FAM184A: variants seen among roughly 807,000 people sequenced by gnomAD.
The protein encoded by FAM184A is protein FAM184A.
In FAM184A, 99 loss-of-function variants were observed where a neutral mutation model predicts 143.8. That is an observed-to-expected ratio of 0.69 (90% CI 0.58 to 0.81). FAM184A has a LOEUF of 0.81. FAM184A is among the 40% of genes least tolerant of loss of function. The pLI is 0.00. For missense variants in FAM184A, 1,217 were observed against 1,310.5 expected, an observed-to-expected ratio of 0.93 and a Z score of 1.10; for synonymous variants, 427 against 446.4, an observed-to-expected ratio of 0.96 and a Z score of 0.55.
intron 9 of FAM184A, among the ~76,000 whole-genome samples, chr6:118,985,107 T>G (rs1784151331): frequency 4.6e-5 from 7 of 152,230 alleles, no homozygotes; most frequent in Admixed American, 4.6e-4. Context: ...TTTGTTTTCT[T>G]TTGCTTTCTT....
At chr6:119,061,541 T>C (rs948164157) in intron 1 of FAM184A, among the ~76,000 whole-genome samples, 3 of 131,596 alleles carry the variant, frequency 2.3e-5, no homozygotes, top group Non-Finnish European at 4.9e-5. Flanking sequence ...CTTTTTTTTT[T>C]TTTTTTTTTT....
chr6:119,078,632 G>C lies in FAM184A; in HGVS notation c.-333C>G, dbSNP rs143826373. On this transcript the variant is annotated 5_prime_UTR_variant, in exon 1 of 18. Coordinates refer to ENST00000338891, the MANE Select transcript of FAM184A (RefSeq NM_024581.6). The surrounding 1 kb of genome is among the most constrained non-coding windows in gnomAD (Gnocchi z 5.5). ...AGGACAGCGCAGCTCCGCGGGTCCCGCTCGCAGCCCGCACCGAGGACTCGG... is the reference window on the plus strand; with the variant it reads ...AGGACAGCGCAGCTCCGCGGGTCCCCCTCGCAGCCCGCACCGAGGACTCGG... 5.2e-6 allele frequency: 1 copy of C among 190,912 alleles called. No individual in the cohort carries two copies. Among genetic ancestry groups the C allele is most frequent in the Non-Finnish European group, 1.1e-5 (1 of 93,450 alleles). 11.8% of individuals were successfully genotyped at this position (190,912 alleles called of 1,614,324 possible).
chr6:118,968,115 T>C (rs1783555498), intron 14 of FAM184A, among the ~76,000 whole-genome samples: 1 of 152,188 alleles, frequency 6.6e-6, no homozygotes, highest in African/African-American at 2.4e-5. Flanking sequence ...GAGGAAGTGA[T>C]TGTCTCAGGA....
At chr6:118,997,526 C>T (rs975887089) in intron 9 of FAM184A, among the ~76,000 whole-genome samples, 3 of 151,958 alleles carry the variant, frequency 2.0e-5, no homozygotes, top group South Asian at 2.1e-4. Flanking sequence ...CTCGTCTCTA[C>T]TAAAAATACG....
chr6:119,094,772 A>T (rs953484409), intron 1 of FAM184A, among the ~76,000 whole-genome samples: 1 of 151,924 alleles, frequency 6.6e-6, no homozygotes, highest in Non-Finnish European at 1.5e-5. Context: ...AAGTAAAAAA[A>T]AAAAAGGAGG....
intron 1 of FAM184A, among the ~76,000 whole-genome samples, chr6:119,109,798 C>T (rs1355078552): frequency 1.3e-5 from 2 of 152,138 alleles, no homozygotes; most frequent in African/African-American, 4.8e-5. Flanking sequence ...CTCCTAAATG[C>T]CATTCCTTTA....
At chr6:119,119,272 T>A (rs2114858684) in intron 1 of FAM184A, among the ~76,000 whole-genome samples, 1 of 152,346 alleles carries the variant, frequency 6.6e-6, no homozygotes, top group Admixed American at 6.5e-5. Flanking sequence ...CTTGTGATAG[T>A]GTATTACCTT....
rs1405169769 is a variant in FAM184A, at chr6:119,024,395, G to A, written c.578C>T (p.Ala193Val). The change falls in exon 2 of 18, where the codon GCT becomes GTT. Residue 193 changes from alanine (A) to valine (V), a missense_variant. Physicochemically the swap from Ala to Val is moderately conservative, Grantham distance 64. Coordinates refer to ENST00000338891, the MANE Select transcript of FAM184A (RefSeq NM_024581.6). ...TAGCTCTTGTATCTCCCGTCTGTGA[G>A]CAGCTTGCAAGTCTTCCAATGCCAA... ...KRLALEDLQA[A>V]HRREIQELLK... The A allele has an allele frequency of 6.2e-7, 1 of 1,614,156 alleles. No individual in the cohort carries two copies. Among genetic ancestry groups the A allele is most frequent in the South Asian group, 1.1e-5 (1 of 91,086 alleles).
chr6:119,131,867 G>A (rs539204115), intron 1 of FAM184A, among the ~76,000 whole-genome samples: 1 of 152,260 alleles, frequency 6.6e-6, no homozygotes, highest in African/African-American at 2.4e-5. Context: ...TTTAATACAG[G>A]AAGACAGTGG....
At chr6:119,029,654 A>G (rs1785797989) in intron 1 of FAM184A, among the ~76,000 whole-genome samples, 1 of 152,194 alleles carries the variant, frequency 6.6e-6, no homozygotes, top group Admixed American at 6.5e-5. Flanking sequence ...AGAAAAATGT[A>G]CAAATTAAAG....
At chr6:119,108,769 A>G (rs2114845024) in intron 1 of FAM184A, among the ~76,000 whole-genome samples, 1 of 152,256 alleles carries the variant, frequency 6.6e-6, no homozygotes, top group South Asian at 2.1e-4. Flanking sequence ...AAGCTTGGGT[A>G]CCTGGGATGC....
At position 119,006,619 on chromosome 6, in the gene FAM184A, ATAGAG is replaced by A. The variant is rs1784927988; in HGVS notation, c.1654-16_1654-12del. 2 of 1,597,164 alleles carry A rather than the reference ATAGAG, an allele frequency of 1.3e-6. No individual in the cohort carries two copies. The highest frequency in any genetic ancestry group is 3.5e-5 in the Admixed American group (2 of 57,120). On this transcript the variant is annotated splice_polypyrimidine_tract_variant and intron_variant, in intron 6 of 17. Transcript: ENST00000338891. ...TTGGAGGTGGCCAATCTGTAAGTAA[ATAGAG>A]TACTTTTAATATATTTCATTGTAAT... is the stretch of plus-strand genomic sequence containing the variant.
intron 1 of FAM184A, among the ~76,000 whole-genome samples, chr6:119,037,950 A>G (rs1486244974): frequency 6.6e-6 from 1 of 152,242 alleles, no homozygotes. Context: ...GAGGACAGAA[A>G]GCAAATGAGG....
chr6:119,000,663 G>T (rs1784727532), intron 9 of FAM184A, among the ~76,000 whole-genome samples: 1 of 152,172 alleles, frequency 6.6e-6, no homozygotes. Flanking sequence ...ATTCAGGTAT[G>T]TTAAGGTATA....
At chr6:118,999,457 C>T (rs1037660926) in intron 9 of FAM184A, among the ~76,000 whole-genome samples, 1 of 152,152 alleles carries the variant, frequency 6.6e-6, no homozygotes, top group African/African-American at 2.4e-5. Flanking sequence ...CTGCCCCCAA[C>T]ACTGTTTTTC....
chr6:119,110,300 T>C (rs1445887428), intron 1 of FAM184A, among the ~76,000 whole-genome samples: 3 of 152,152 alleles, frequency 2.0e-5, no homozygotes, highest in Non-Finnish European at 4.4e-5. Flanking sequence ...CCCAGGTTTT[T>C]GGTAGGAAGC....
intron 1 of FAM184A, among the ~76,000 whole-genome samples, chr6:119,115,892 C>T (rs1244801040): frequency 6.6e-6 from 1 of 151,582 alleles, no homozygotes; most frequent in Non-Finnish European, 1.5e-5. Context: ...TCACTTGAAC[C>T]CAGGAGGTGG....
intron 1 of FAM184A, among the ~76,000 whole-genome samples, chr6:119,063,465 T>C (rs1407584712): frequency 1.3e-5 from 2 of 152,258 alleles, no homozygotes; most frequent in Non-Finnish European, 2.9e-5. Flanking sequence ...TCTTGATATA[T>C]GCCTTCCTTA....
chr6:119,102,836 T>TA (rs1389802209), intron 1 of FAM184A, among the ~76,000 whole-genome samples: 1 of 115,028 alleles, frequency 8.7e-6, no homozygotes, highest in African/African-American at 3.2e-5. Context: ...AAAATATCAC[T>TA]AAAAAAGGGC....
Sources: allele counts gnomAD v4.1 joint callset (sites outside exome capture counted in the v4.1 genomes callset), GRCh38; gene constraint gnomAD v4.1.1; non-coding constraint Gnocchi (gnomAD v3.1); transcripts MANE v1.5; gene names NCBI Gene and HGNC (gene_info 2026-07-23, HGNC 2026-07-21).